BRAF: variants seen among roughly 807,000 people sequenced by gnomAD.
BRAF encodes B-Raf proto-oncogene, serine/threonine kinase, also known as serine/threonine-protein kinase B-raf.
Under a neutral mutation model 104.6 loss-of-function variants are expected in BRAF, and 16 were observed. The observed-to-expected ratio is 0.15, with a 90% CI of 0.10 to 0.23. The LOEUF is 0.23. BRAF is among the 10% of genes least tolerant of loss of function. BRAF has a pLI of 1.00. For missense variants in BRAF, 541 were observed against 937.3 expected (o/e 0.58, Z 5.52); for synonymous variants, 310 against 341.6 (o/e 0.91, Z 1.02).
intron 14 of BRAF, among the ~76,000 whole-genome samples, chr7:140,765,939 C>T (rs1314181128): frequency 7.2e-6 from 1 of 139,270 alleles, no homozygotes; most frequent in African/African-American, 3.3e-5. Flanking sequence ...ACCCAGCCAT[C>T]CCATTACTGG....
At chr7:140,817,997 A>G (rs936357134) in intron 3 of BRAF, among the ~76,000 whole-genome samples, 1 of 152,174 alleles carries the variant, frequency 6.6e-6, no homozygotes, top group Non-Finnish European at 1.5e-5. Context: ...GATGCTGACC[A>G]TTACATACAT....
intron 3 of BRAF, among the ~76,000 whole-genome samples, chr7:140,826,277 T>C (rs1363868965): frequency 6.6e-6 from 1 of 152,250 alleles, no homozygotes; most frequent in Non-Finnish European, 1.5e-5. Flanking sequence ...TGAGTATCAG[T>C]ATGTTCACTC....
At chr7:140,870,792 A>G (rs1350750766) in intron 1 of BRAF, among the ~76,000 whole-genome samples, 1 of 151,644 alleles carries the variant, frequency 6.6e-6, no homozygotes, top group African/African-American at 2.4e-5. Flanking sequence ...ATTCTGGCTC[A>G]CTTTTCTTCA....
rs1795220171 is a variant in BRAF, at chr7:140,719,487, C to A, written c.*7007G>T. 2 of 1,020,974 alleles carry A rather than the reference C, an allele frequency of 2.0e-6. No homozygotes were observed. Among genetic ancestry groups the A allele is most frequent in the African/African-American group, 1.7e-5 (1 of 59,226 alleles). 63.2% of individuals were successfully genotyped at this position (1,020,974 alleles called of 1,614,324 possible). On this transcript the variant is annotated 3_prime_UTR_variant, in exon 20 of 20. Coordinates refer to ENST00000644969, the MANE Select transcript of BRAF (RefSeq NM_001374258.1). The stretch of plus-strand genomic sequence containing the variant: ...AATTTCAGCTATCTTTTTTTATTCT[C>A]CATGCTTTCTATCCAAACTGAACAA...
intron 6 of BRAF, 23 bp from the exon 7 acceptor site, chr7:140,800,504 C>T: frequency 1.2e-6 from 2 of 1,614,002 alleles, no homozygotes; most frequent in Non-Finnish European, 8.5e-7. Flanking sequence ...ACAAAACAAA[C>T]CTAACTTGTG....
Position 140,924,463 on chromosome 7 carries a change from G to C in BRAF, c.138+103C>G. 5 of 1,487,314 alleles carry C rather than the reference G, an allele frequency of 3.4e-6. No individual in the cohort carries two copies. The highest frequency in any genetic ancestry group is 4.5e-6 in the Non-Finnish European group (5 of 1,106,946). The allele number at this position is 1,487,314 out of a possible 1,614,324, so 92.1% of individuals were successfully genotyped here. On this transcript the variant is annotated intron_variant, in intron 1 of 19. Transcript: ENST00000644969. This position sits in a 1 kb window ranked among gnomAD's most constrained non-coding sequence, Gnocchi z 4.2. ...GCCCGCGGAGCTGGCCCGAGAAGGT[G>C]GCTGAGGGCATCAAGCCCCCACCGC...
intron 18 of BRAF, among the ~76,000 whole-genome samples, chr7:140,736,719 G>A (rs904355242): frequency 2.0e-5 from 3 of 151,642 alleles, no homozygotes; most frequent in African/African-American, 7.2e-5. Context: ...GAGCCACCGT[G>A]CCTGGCCTCT....
At position 140,726,533 on chromosome 7, in the gene BRAF, A is replaced by T; in HGVS notation, c.2402-17T>A. On this transcript the variant is annotated splice_polypyrimidine_tract_variant and intron_variant, in intron 19 of 19. Coordinates refer to ENST00000644969, the MANE Select transcript of BRAF (RefSeq NM_001374258.1). ...CAAATTCTCCTGTAGAGGGAGGACA[A>T]GAGCTAATTTTAAAAAAGTCATCTC... is the stretch of plus-strand genomic sequence containing the variant. 2.6e-6 allele frequency: 4 copies of T among 1,530,500 alleles called. No individual in the cohort carries two copies. The highest frequency in any genetic ancestry group is 2.6e-6 in the Non-Finnish European group (3 of 1,141,624). 94.8% of individuals were successfully genotyped at this position (1,530,500 alleles called of 1,614,324 possible). A position where few individuals can be genotyped will look rare whatever the true frequency, so the allele number is the denominator to read the frequency against.
intron 5 of BRAF, among the ~76,000 whole-genome samples, chr7:140,801,969 T>TA (rs1233649582): frequency 6.6e-6 from 1 of 152,152 alleles, no homozygotes. Context: ...AGGCATATAT[T>TA]AAAGTTACAA....
intron 17 of BRAF, among the ~76,000 whole-genome samples, chr7:140,742,185 G>T (rs935536203): frequency 6.6e-5 from 10 of 151,326 alleles, no homozygotes; most frequent in Non-Finnish European, 1.2e-4. Flanking sequence ...ACATGGTGGG[G>T]TTTTTTTTGT....
At chr7:140,880,623 T>G (rs1812791056) in intron 1 of BRAF, among the ~76,000 whole-genome samples, 2 of 152,174 alleles carry the variant, frequency 1.3e-5, no homozygotes, top group Non-Finnish European at 2.9e-5. Context: ...CTATGGCAGC[T>G]ATAGCCTAAT....
chr7:140,830,226 G>A (rs1338743237), intron 3 of BRAF, among the ~76,000 whole-genome samples: 1 of 152,072 alleles, frequency 6.6e-6, no homozygotes, highest in Non-Finnish European at 1.5e-5. Context: ...TTTCTCTGTT[G>A]CTGTTGGTGT....
At position 140,924,883 on chromosome 7, in the gene BRAF, C is replaced by T. The variant is rs1262380379; in HGVS notation, c.-180G>A. 11 of 173,652 alleles carry T rather than the reference C, an allele frequency of 6.3e-5. No individual in the cohort carries two copies. The highest frequency in any genetic ancestry group is 1.8e-4 in the African/African-American group (7 of 39,350). 10.8% of individuals were successfully genotyped at this position (173,652 alleles called of 1,614,324 possible). ...AGGGCGCCTGGGCCACCTCAGGTAC[C>T]GGCCCGCGGCCCCGGGCGCAGCCGA... On this transcript the variant is annotated 5_prime_UTR_variant, in exon 1 of 20. Coordinates refer to ENST00000644969, the MANE Select transcript of BRAF (RefSeq NM_001374258.1). This position sits in a 1 kb window ranked among gnomAD's most constrained non-coding sequence, Gnocchi z 4.2.
intron 19 of BRAF, among the ~76,000 whole-genome samples, chr7:140,727,864 G>A (rs918047900): frequency 1.3e-5 from 2 of 151,944 alleles, no homozygotes; most frequent in African/African-American, 2.4e-5. Flanking sequence ...CTCATGATCC[G>A]CCCGCCTTGG....
At chr7:140,833,911 T>A (rs1255007251) in intron 3 of BRAF, 1 of 152,104 alleles carries the variant, frequency 6.6e-6, no homozygotes, top group Non-Finnish European at 1.5e-5. Flanking sequence ...CATTAAACAA[T>A]GACCAATTGC....
chr7:140,742,516 T>G (rs1369347008), intron 17 of BRAF, among the ~76,000 whole-genome samples: 3 of 152,176 alleles, frequency 2.0e-5, no homozygotes, highest in African/African-American at 7.2e-5. Context: ...TTAAGGGAAT[T>G]AATTTCTACA....
chr7:140,885,466 A>G (rs1324102562), intron 1 of BRAF, among the ~76,000 whole-genome samples: 2 of 152,216 alleles, frequency 1.3e-5, no homozygotes, highest in Admixed American at 1.3e-4. Context: ...AAAGGCAAAT[A>G]GTATCTTAGT....
At chr7:140,857,522 A>C (rs373069758) in intron 1 of BRAF, among the ~76,000 whole-genome samples, 24 of 152,344 alleles carry the variant, frequency 1.6e-4, no homozygotes, top group Middle Eastern at 3.4e-3. Context: ...GAGAATCTAG[A>C]GACTAATATA....
chr7:140,827,063 T>G (rs980218216), intron 3 of BRAF, among the ~76,000 whole-genome samples: 2 of 152,206 alleles, frequency 1.3e-5, no homozygotes, highest in Admixed American at 1.3e-4. Context: ...CTCATGGTGC[T>G]TACCTTTTTC....
Sources: allele counts gnomAD v4.1 joint callset (sites outside exome capture counted in the v4.1 genomes callset), GRCh38; gene constraint gnomAD v4.1.1; non-coding constraint Gnocchi (gnomAD v3.1); transcripts MANE v1.5; gene names NCBI Gene and HGNC (gene_info 2026-07-23, HGNC 2026-07-21).